The following TFB1M variants were observed in gnomAD, a reference collection of about 807,000 sequenced individuals.
The protein encoded by TFB1M is transcription factor B1, mitochondrial, also known as dimethyladenosine transferase 1, mitochondrial.
In TFB1M, 27 loss-of-function variants were observed where a neutral mutation model predicts 31.1. The ratio of observed to expected loss-of-function variants is 0.87; its 90% CI spans 0.64 to 1.20. TFB1M has a LOEUF of 1.20. Ranked by LOEUF, TFB1M falls within the 50% of genes most tolerant of loss-of-function variation. The pLI, the probability that TFB1M is intolerant of heterozygous loss-of-function variation, is 0.00. For synonymous variants in TFB1M, 166 were observed against 151.8 expected, an observed-to-expected ratio of 1.09 and a Z score of -0.69; for missense variants, 394 against 418.7, an observed-to-expected ratio of 0.94 and a Z score of 0.51.
At position 155,300,478 on chromosome 6, in the gene TFB1M, CCA is replaced by C. The variant is rs375183317; in HGVS notation, c.286-1895_286-1894del. 7.3e-3 allele frequency among the ~76,000 whole-genome samples: 1,118 copies of C among 152,208 alleles called. 14 individuals are homozygous for C. The highest frequency in any genetic ancestry group is 0.026 in the African/African-American group (1,063 of 41,536). On this transcript the variant is annotated intron_variant, in intron 2 of 6. Transcript: ENST00000367166. The stretch of plus-strand genomic sequence containing the variant: ...TGCGGCATGCTCTTAATGTATAAAA[CCA>C]CATATTTAATCACAGTACTTATCAT...
chr6:155,292,262 G>A (rs923382356), intron 4 of TFB1M, among the ~76,000 whole-genome samples: 4 of 152,152 alleles, frequency 2.6e-5, no homozygotes, highest in Non-Finnish European at 5.9e-5. Context: ...GCACACACGC[G>A]GTGCTCACAC....
At chr6:155,289,683 T>C (rs1374253911) in intron 4 of TFB1M, among the ~76,000 whole-genome samples, 2 of 152,172 alleles carry the variant, frequency 1.3e-5, no homozygotes, top group Non-Finnish European at 2.9e-5. Flanking sequence ...CAAAATTACA[T>C]ATACAGCCAT....
intron 2 of TFB1M, among the ~76,000 whole-genome samples, chr6:155,299,728 C>T (rs955565823): frequency 6.6e-6 from 1 of 152,100 alleles, no homozygotes; most frequent in Non-Finnish European, 1.5e-5. Flanking sequence ...TTCTCTAGGT[C>T]CATTAAAGCT....
intron 2 of TFB1M, among the ~76,000 whole-genome samples, chr6:155,303,897 C>T (rs1011733409): frequency 1.3e-5 from 2 of 152,154 alleles, no homozygotes; most frequent in Non-Finnish European, 2.9e-5. Flanking sequence ...GGTTTAACAG[C>T]AAGCTTAAGG....
At chr6:155,301,055 T>C (rs1777409028) in intron 2 of TFB1M, among the ~76,000 whole-genome samples, 1 of 152,198 alleles carries the variant, frequency 6.6e-6, no homozygotes, top group South Asian at 2.1e-4. Flanking sequence ...TCTGCCCGCC[T>C]TGGCCTCCCA....
downstream of TFB1M, chr6:155,254,218 G>C: frequency 1.0e-6 from 1 of 989,350 alleles, no homozygotes; most frequent in Non-Finnish European, 1.5e-6. Flanking sequence ...AGGAGACTAT[G>C]TTGATTAAAT....
At chr6:155,270,391 C>T (rs752785929) in intron 5 of TFB1M, among the ~76,000 whole-genome samples, 5 of 152,152 alleles carry the variant, frequency 3.3e-5, no homozygotes, top group Non-Finnish European at 5.9e-5. Flanking sequence ...TTAATGTCCA[C>T]ATCAGAAGTG....
At position 155,311,290 on chromosome 6, in the gene TFB1M, T is replaced by G. The variant is rs1778006800; in HGVS notation, c.183A>C (p.Glu61Asp). Residue 61 changes from glutamate to aspartate, a missense_variant, in exon 2 of 7, where the codon GAA (glutamate) becomes GAC (aspartate). Around this residue, in one of 3 missense-constraint regions of TFB1M, gnomAD observed 273 missense variants for 256.4 expected, o/e 1.06. Coordinates refer to ENST00000367166, the MANE Select transcript of TFB1M (RefSeq NM_016020.4). ...TGATTCCCCCTGGCCCAGGGCCCAC[T>G]TCGTAAACATAAGCATTTGTCAGAT... ...AGNLTNAYVY[E>D]VGPGPGGITR... 1 of 1,614,062 alleles carries G rather than the reference T, an allele frequency of 6.2e-7. No homozygotes were observed. Among genetic ancestry groups the G allele is most frequent in the African/African-American group, 1.3e-5 (1 of 75,032 alleles).
rs1202604626 is a variant in TFB1M, at chr6:155,256,918, A to G, written c.*918T>C. ...ACTGGTCCGGGGGCACTTCTGCCCC[A>G]TTAAACGAAAAGCCAACAGCACCAA... is the stretch of plus-strand genomic sequence containing the variant. On this transcript the variant is annotated 3_prime_UTR_variant, in exon 7 of 7. Coordinates refer to ENST00000367166, the MANE Select transcript of TFB1M (RefSeq NM_016020.4). 6.2e-7 allele frequency: 1 copy of G among 1,614,228 alleles called. No homozygotes were observed. The highest frequency in any genetic ancestry group is 1.7e-5 in the Admixed American group (1 of 60,034).
chr6:155,258,106 A>G, intron 6 of TFB1M, 24 bp from the exon 7 acceptor site: 1 of 1,614,014 alleles, frequency 6.2e-7, no homozygotes, highest in African/African-American at 1.3e-5. Context: ...AGACAGACAG[A>G]AAAATAAGAA....
chr6:155,290,932 T>A (rs182492070), intron 4 of TFB1M, among the ~76,000 whole-genome samples: 1 of 152,066 alleles, frequency 6.6e-6, no homozygotes, highest in East Asian at 1.9e-4. Flanking sequence ...TTTACAGTAA[T>A]GAGATAACTT....
At chr6:155,295,872 T>A (rs1777146072) in intron 4 of TFB1M, among the ~76,000 whole-genome samples, 1 of 152,206 alleles carries the variant, frequency 6.6e-6, no homozygotes, top group African/African-American at 2.4e-5. Flanking sequence ...GTATATGGGA[T>A]GATATGCACA....
chr6:155,314,248 C>T, intron 1 of TFB1M, 48 bp downstream of exon 1: 2 of 1,607,502 alleles, frequency 1.2e-6, no homozygotes, highest in Non-Finnish European at 8.5e-7. Context: ...GGCCCACGCC[C>T]CCACGGACAC....
At chr6:155,293,024 G>GT (rs755557673) in intron 4 of TFB1M, among the ~76,000 whole-genome samples, 1 of 151,916 alleles carries the variant, frequency 6.6e-6, no homozygotes, top group South Asian at 2.1e-4. Flanking sequence ...TAGAGACAAG[G>GT]TAACATAGGG....
chr6:155,299,031 TATC>T (rs963300256), intron 2 of TFB1M, among the ~76,000 whole-genome samples: 9 of 152,214 alleles, frequency 5.9e-5, no homozygotes, highest in African/African-American at 2.2e-4. Flanking sequence ...GGATTCTATA[TATC>T]ATCAAGATCT....
chr6:155,280,805 C>T (rs1438420402), intron 5 of TFB1M, among the ~76,000 whole-genome samples: 1 of 152,182 alleles, frequency 6.6e-6, no homozygotes, highest in Non-Finnish European at 1.5e-5. Flanking sequence ...AAACTCAAGA[C>T]TATCTCCCAC....
chr6:155,275,082 C>T (rs984973076), intron 5 of TFB1M, among the ~76,000 whole-genome samples: 4 of 151,622 alleles, frequency 2.6e-5, no homozygotes, highest in Non-Finnish European at 2.9e-5. Flanking sequence ...AAAAATTAGC[C>T]GGGCATGGTG....
At chr6:155,310,328 C>T (rs1777961076) in intron 2 of TFB1M, among the ~76,000 whole-genome samples, 1 of 152,098 alleles carries the variant, frequency 6.6e-6, no homozygotes, top group Admixed American at 6.6e-5. Flanking sequence ...ATTAAGTGTT[C>T]CCCTATGAGG....
At chr6:155,298,727 C>T (rs568592787) in intron 2 of TFB1M, 142 bp from the exon 3 acceptor site, 28 of 652,626 alleles carry the variant, frequency 4.3e-5, no homozygotes, top group African/African-American at 1.1e-4. Context: ...TACTGCATCA[C>T]GTCTATTGCA....
Sources: allele counts gnomAD v4.1 joint callset (sites outside exome capture counted in the v4.1 genomes callset), GRCh38; gene constraint gnomAD v4.1.1; regional missense constraint gnomAD v4.1.1; transcripts MANE v1.5; gene names NCBI Gene and HGNC (gene_info 2026-07-23, HGNC 2026-07-21).